The following GALP variants were observed in gnomAD, a reference collection of about 807,000 sequenced individuals.
The protein encoded by GALP is galanin like peptide, also known as galanin-like peptide.
A neutral mutation model predicts 15.2 loss-of-function variants in GALP; 12 were observed. The observed-to-expected ratio is 0.79, with a 90% CI of 0.51 to 1.28. The LOEUF is 1.28. GALP is among the 50% of genes most tolerant of loss of function. The pLI is 0.00. For missense variants in GALP, 161 were observed against 145.6 expected (o/e 1.11, Z -0.55); for synonymous variants, 58 against 55.1 (o/e 1.05, Z -0.23).
rs536829600 is a variant in GALP at position 56,179,023 on chromosome 19, A to G, written c.88-1563A>G. On this transcript the variant is annotated intron_variant, in intron 2 of 5. Coordinates refer to ENST00000357330, the MANE Select transcript of GALP (RefSeq NM_033106.4). ...AACCCCCTGTCTCTATTAAAAATAC[A>G]AAAATTAGCTGGGCCTTGTGGCAGG... Among the ~76,000 whole-genome samples the G allele has an allele frequency of 2.0e-5, 3 of 152,188 alleles. No individual in the cohort carries two copies. The East Asian group carries it at 5.8e-4, about 30-fold the overall frequency.
intron 1 of GALP, among the ~76,000 whole-genome samples, chr19:56,176,546 A>C (rs112984204): frequency 2.1e-4 from 22 of 102,454 alleles, no homozygotes; most frequent in East Asian, 1.3e-3. Flanking sequence ...AGAGGGGCGG[A>C]TGCCAGCTGC....
chr19:56,183,082 G>A (rs58614188), intron 4 of GALP, 53 bp from the exon 5 acceptor site: 2 of 1,273,066 alleles, frequency 1.6e-6, no homozygotes, highest in South Asian at 2.4e-5. Flanking sequence ...TCATCGTTTA[G>A]CTCCCACTTG....
chr19:56,177,510 CA>C (rs35564874), intron 2 of GALP, among the ~76,000 whole-genome samples: 435 of 73,740 alleles, frequency 5.9e-3, no homozygotes, highest in African/African-American at 9.4e-3. Flanking sequence ...GACTCCATCT[CA>C]AAAAAAAAAA....
intron 2 of GALP, 76 bp from the exon 3 acceptor site, chr19:56,180,510 C>T (rs2032544963): frequency 1.1e-5 from 14 of 1,239,188 alleles, no homozygotes; most frequent in Non-Finnish European, 1.7e-5. Flanking sequence ...TATGACGACC[C>T]ACATCACCCC....
chr19:56,178,346 C>T (rs113476417), intron 2 of GALP, among the ~76,000 whole-genome samples: 107 of 151,632 alleles, frequency 7.1e-4, no homozygotes, highest in African/African-American at 2.3e-3. Context: ...GACTGTAGTC[C>T]GAGCTACTTG....
intron 2 of GALP, among the ~76,000 whole-genome samples, chr19:56,180,248 G>A (rs1226233150): frequency 6.6e-6 from 1 of 152,170 alleles, no homozygotes; most frequent in African/African-American, 2.4e-5. Context: ...CGTATTGCTG[G>A]CTGTGGGCAC....
chr19:56,182,805 C>A (rs557982643), intron 4 of GALP, among the ~76,000 whole-genome samples: 5 of 152,208 alleles, frequency 3.3e-5, no homozygotes, highest in Non-Finnish European at 7.4e-5. Flanking sequence ...AGATCTGCCC[C>A]CATCAGTCTC....
At chr19:56,183,772 A>G (rs965582242) in intron 5 of GALP, among the ~76,000 whole-genome samples, 2 of 151,546 alleles carry the variant, frequency 1.3e-5, no homozygotes, top group Admixed American at 6.6e-5. Flanking sequence ...TAATTTTTGT[A>G]TTTTTAGTAG....
chr19:56,178,809 A>G (rs1187708985), intron 2 of GALP, among the ~76,000 whole-genome samples: 2 of 152,118 alleles, frequency 1.3e-5, no homozygotes, highest in East Asian at 3.9e-4. Context: ...AGTTGGTTCT[A>G]TTTTGCTACT....
chr19:56,177,563 G>A (rs927285341), intron 2 of GALP, among the ~76,000 whole-genome samples: 7 of 151,664 alleles, frequency 4.6e-5, no homozygotes, highest in Non-Finnish European at 1.0e-4. Context: ...GGCTAGGCTG[G>A]TCTTGAACTC....
chr19:56,178,032 T>C (rs1171245656), intron 2 of GALP, among the ~76,000 whole-genome samples: 1 of 152,046 alleles, frequency 6.6e-6, no homozygotes, highest in African/African-American at 2.4e-5. Flanking sequence ...TGTTAGGTGT[T>C]CTCACCACAA....
At position 56,179,092 on chromosome 19, in the gene GALP, G is replaced by C. The variant is rs147933539; in HGVS notation, c.88-1494G>C. Among the ~76,000 whole-genome samples the C allele has an allele frequency of 9.6e-3, 1,455 of 152,202 alleles. 28 individuals carry two copies. Among genetic ancestry groups the C allele is most frequent in the African/African-American group, 0.032 (1,326 of 41,526 alleles). ...CTCAGGAGGCTGAGGCAGGAGAATC[G>C]CTTGAATCCAGGAGGCGGAGGTTGC... On this transcript the variant is annotated intron_variant, in intron 2 of 5. Transcript: ENST00000357330.
At chr19:56,183,361 C>G in intron 5 of GALP, 149 bp downstream of exon 5, 1 of 658,560 alleles carries the variant, frequency 1.5e-6, no homozygotes, top group Non-Finnish European at 2.7e-6. Flanking sequence ...CTACCCCGAC[C>G]ACTCAGCCTC....
At chr19:56,184,915 C>T (rs1490106864) in intron 5 of GALP, among the ~76,000 whole-genome samples, 1 of 152,192 alleles carries the variant, frequency 6.6e-6, no homozygotes, top group Non-Finnish European at 1.5e-5. Flanking sequence ...CCATCCTCAC[C>T]TCGATTACAT....
intron 4 of GALP, 102 bp from the exon 5 acceptor site, chr19:56,183,033 C>A (rs1329934354): frequency 2.5e-6 from 2 of 791,046 alleles, no homozygotes; most frequent in African/African-American, 3.4e-5. Flanking sequence ...TCGGGAAGGA[C>A]CCAGTGTCTC....
At chr19:56,180,915 C>CTTTCTT (rs2032555862) in intron 3 of GALP, among the ~76,000 whole-genome samples, 1 of 40,130 alleles carries the variant, frequency 2.5e-5, no homozygotes, top group African/African-American at 8.8e-5. Flanking sequence ...TTCTTTCTTT[C>CTTTCTT]TTTTTTTTTT....
chr19:56,181,550 A>G (rs60106094), intron 3 of GALP, among the ~76,000 whole-genome samples: 3 of 151,600 alleles, frequency 2.0e-5, no homozygotes, highest in African/African-American at 7.3e-5. Context: ...GATTACACGC[A>G]TGCACCACAA....
intron 3 of GALP, 71 bp from the exon 4 acceptor site, chr19:56,182,101 T>C: frequency 9.1e-7 from 1 of 1,100,778 alleles, no homozygotes; most frequent in Non-Finnish European, 1.4e-6. Context: ...TGCTGTTGAA[T>C]TGATGGACGA....
chr19:56,183,397 G>A (rs1056461667), intron 5 of GALP, among the ~76,000 whole-genome samples, 185 bp downstream of exon 5: 2 of 151,986 alleles, frequency 1.3e-5, no homozygotes, highest in East Asian at 1.9e-4. Context: ...TCCTGGCCTC[G>A]ACTGCTCCCT....
Sources: gnomAD v4.1 joint callset for allele counts (sites outside exome capture counted in the v4.1 genomes callset) on GRCh38, gnomAD v4.1.1 for gene constraint, MANE v1.5 for transcripts, NCBI Gene and HGNC (gene_info 2026-07-23, HGNC 2026-07-21) for gene names.